Variants in NRG3 observed in about 807,000 individuals in gnomAD.
NRG3 encodes pro-neuregulin-3, membrane-bound isoform.
A neutral mutation model predicts 66.9 loss-of-function variants in NRG3; 31 were observed. That is an observed-to-expected ratio of 0.46 (90% confidence interval 0.35 to 0.63). The LOEUF (loss-of-function observed/expected upper bound fraction) is 0.63, where lower values mean the gene tolerates loss of function less well. Among genes scored for constraint, NRG3 ranks in the 20% least tolerant of loss-of-function variants. The pLI, the probability that NRG3 is intolerant of heterozygous loss-of-function variation, is 0.00. For missense variants in NRG3, 910 were observed against 878.9 expected (o/e 1.04, Z -0.45); for synonymous variants, 393 against 359.4 (o/e 1.09, Z -1.06).
chr10:82,768,756 A>G (rs1277884601), intron 3 of NRG3, among the ~76,000 whole-genome samples: 2 of 152,116 alleles, frequency 1.3e-5, no homozygotes, highest in East Asian at 3.9e-4. Context: ...TCTGATTAAG[A>G]TAGATTTTCT....
At chr10:82,283,195 T>G (rs73306631) in intron 1 of NRG3, among the ~76,000 whole-genome samples, 82 of 152,156 alleles carry the variant, frequency 5.4e-4, no homozygotes, top group African/African-American at 1.9e-3. Context: ...TTGGATCCTT[T>G]GTGTGCTTAG....
chr10:82,097,377 C>CACAA (rs1240271383), intron 1 of NRG3, among the ~76,000 whole-genome samples: 6 of 143,648 alleles, frequency 4.2e-5, no homozygotes, highest in Non-Finnish European at 9.0e-5. Context: ...GTTACACACA[C>CACAA]ACACACACAC....
chr10:82,281,467 GA>G (rs776304222), intron 1 of NRG3, among the ~76,000 whole-genome samples: 10 of 152,100 alleles, frequency 6.6e-5, no homozygotes, highest in Non-Finnish European at 1.5e-4. Flanking sequence ...AACAGAAGAA[GA>G]AATCTGTTGC....
At chr10:82,318,667 T>C (rs959306064) in intron 1 of NRG3, among the ~76,000 whole-genome samples, 1 of 152,176 alleles carries the variant, frequency 6.6e-6, no homozygotes, top group Non-Finnish European at 1.5e-5. Flanking sequence ...TTCAGACAGA[T>C]CCACTGCTCT....
chr10:82,068,214 A>G (rs2064599340), intron 1 of NRG3, among the ~76,000 whole-genome samples: 1 of 152,256 alleles, frequency 6.6e-6, no homozygotes, highest in African/African-American at 2.4e-5. Context: ...CTTACAGTAG[A>G]ACATAACTGT....
chr10:82,930,631 C>A (rs1205828150), intron 4 of NRG3, among the ~76,000 whole-genome samples: 1 of 152,098 alleles, frequency 6.6e-6, no homozygotes, highest in East Asian at 1.9e-4. Flanking sequence ...AGTCTGGGTG[C>A]ATTTATGTTA....
At chr10:82,654,640 A>G (rs1361068453) in intron 2 of NRG3, among the ~76,000 whole-genome samples, 1 of 152,210 alleles carries the variant, frequency 6.6e-6, no homozygotes, top group Non-Finnish European at 1.5e-5. Flanking sequence ...ATTTCATTAT[A>G]TATTAATTGT....
At chr10:82,103,945 C>A (rs35152046) in intron 1 of NRG3, among the ~76,000 whole-genome samples, 1 of 150,328 alleles carries the variant, frequency 6.7e-6, no homozygotes, top group Non-Finnish European at 1.5e-5. Context: ...TCTTTCCCAG[C>A]GATCTACTAG....
At chr10:82,463,768 G>A (rs2131989938) in intron 2 of NRG3, among the ~76,000 whole-genome samples, 1 of 152,290 alleles carries the variant, frequency 6.6e-6, no homozygotes, top group African/African-American at 2.4e-5. Context: ...ATTTGTACAA[G>A]CTTGTTTATC....
chr10:82,898,225 G>A (rs915672884), intron 4 of NRG3, among the ~76,000 whole-genome samples: 1 of 152,202 alleles, frequency 6.6e-6, no homozygotes, highest in Non-Finnish European at 1.5e-5. Flanking sequence ...ACAGTGGTCA[G>A]CCACTTATTA....
At chr10:82,103,002 G>T (rs541463232) in intron 1 of NRG3, among the ~76,000 whole-genome samples, 1 of 151,966 alleles carries the variant, frequency 6.6e-6, no homozygotes, top group Non-Finnish European at 1.5e-5. Context: ...AAGTACTTCC[G>T]TCAGCATTTC....
At chr10:82,132,407 T>G in intron 1 of NRG3, among the ~76,000 whole-genome samples, 1 of 124,032 alleles carries the variant, frequency 8.1e-6, no homozygotes, top group African/African-American at 2.8e-5. Flanking sequence ...TGATGAATGA[T>G]TGTTTTAATA....
At chr10:81,973,432 G>A (rs1393805814) in intron 1 of NRG3, among the ~76,000 whole-genome samples, 1 of 152,178 alleles carries the variant, frequency 6.6e-6, no homozygotes, top group East Asian at 1.9e-4. Context: ...CCAGTAATGG[G>A]ATTGTTGGGT....
chr10:82,125,781 T>G (rs143454934), intron 1 of NRG3, among the ~76,000 whole-genome samples: 2 of 152,094 alleles, frequency 1.3e-5, no homozygotes, highest in African/African-American at 4.8e-5. Context: ...AGACCATGCT[T>G]ATATATTCTG....
chr10:82,826,039 G>T (rs1343187390), intron 3 of NRG3, among the ~76,000 whole-genome samples: 1 of 152,074 alleles, frequency 6.6e-6, no homozygotes, highest in Non-Finnish European at 1.5e-5. Flanking sequence ...TAAACTTTAT[G>T]CTCAGAAGTT....
chr10:81,928,133 T>A (rs1846988039), intron 1 of NRG3, among the ~76,000 whole-genome samples: 3 of 152,242 alleles, frequency 2.0e-5, no homozygotes, highest in Non-Finnish European at 4.4e-5. Context: ...GTACTTATTC[T>A]CACTTAACCA....
At chr10:82,471,363 CTT>C (rs1157754281) in intron 2 of NRG3, among the ~76,000 whole-genome samples, 4 of 152,088 alleles carry the variant, frequency 2.6e-5, no homozygotes, top group Non-Finnish European at 5.9e-5. Context: ...CTGGGGATCT[CTT>C]TAAACTTGGC....
intron 2 of NRG3, among the ~76,000 whole-genome samples, chr10:82,476,364 G>C (rs947329349): frequency 6.6e-6 from 1 of 152,046 alleles, no homozygotes; most frequent in Admixed American, 6.6e-5. Context: ...GTATATACTC[G>C]AAATAATTGA....
chr10:81,889,417 G>A (rs1157278106), intron 1 of NRG3: 2 of 152,236 alleles, frequency 1.3e-5, no homozygotes, highest in Admixed American at 6.5e-5. Flanking sequence ...CTGCCAGAGA[G>A]TGCCTGTCAT....
Sources: gnomAD v4.1 joint callset for allele counts (sites outside exome capture counted in the v4.1 genomes callset) on GRCh38, gnomAD v4.1.1 for gene constraint, MANE v1.5 for transcripts, NCBI Gene and HGNC (gene_info 2026-07-23, HGNC 2026-07-21) for gene names.